SHMT1: variants seen among roughly 807,000 people sequenced by gnomAD.
The protein encoded by SHMT1 is serine hydroxymethyltransferase, cytosolic.
Under a neutral mutation model 49.0 loss-of-function variants are expected in SHMT1, and 45 were observed. That is an observed-to-expected ratio of 0.92 (90% CI 0.72 to 1.18). The LOEUF (loss-of-function observed/expected upper bound fraction) is 1.18, where lower values mean the gene tolerates loss of function less well. Ranked by LOEUF, SHMT1 falls within the 50% of genes most tolerant of loss-of-function variation. The pLI is 0.00. For synonymous variants in SHMT1, 232 were observed against 246.6 expected, an observed-to-expected ratio of 0.94 and a Z score of 0.55; for missense variants, 541 against 612.4, an observed-to-expected ratio of 0.88 and a Z score of 1.23.
At chr17:18,356,797 T>C (rs1414691393) in intron 1 of SHMT1, among the ~76,000 whole-genome samples, 1 of 152,018 alleles carries the variant, frequency 6.6e-6, no homozygotes, top group Admixed American at 6.6e-5. Flanking sequence ...ACTGCAGACG[T>C]CAGCTCATCT....
At position 18,340,075 on chromosome 17, in the gene SHMT1, C is replaced by T. The variant is rs1239954008; in HGVS notation, c.782G>A (p.Gly261Asp). 1 of 1,613,894 alleles carries T rather than the reference C, an allele frequency of 6.2e-7. No homozygotes were observed. Among genetic ancestry groups the T allele is most frequent in the African/African-American group, 1.3e-5 (1 of 74,934 alleles). Residue 261 changes from glycine to aspartate, a missense_variant, in exon 7 of 12, where the codon GGC becomes GAC. By Grantham distance (94) the Gly-to-Asp change is moderately conservative. Transcript: ENST00000316694. The surrounding 1 kb of genome is among the most constrained non-coding windows in gnomAD (Gnocchi z 4.5). Reference protein sequence around the residue: ...VTTTTHKTLRGCRAGMIFYRK... With the variant: ...VTTTTHKTLRDCRAGMIFYRK... ...GTAGAAGATCATGCCAGCTCGGCAG[C>T]CTCGCAGGGTCTTGTGAGTGGTGGT...
chr17:18,354,290 A>G (rs546320956), intron 2 of SHMT1, among the ~76,000 whole-genome samples: 2 of 152,296 alleles, frequency 1.3e-5, no homozygotes, highest in African/African-American at 4.8e-5. Context: ...ATGGTGGCAC[A>G]TGCCTGTAAT....
chr17:18,344,700 G>A (rs2151586301), intron 5 of SHMT1, among the ~76,000 whole-genome samples: 1 of 150,872 alleles, frequency 6.6e-6, no homozygotes, highest in East Asian at 2.0e-4. Context: ...ACTCCTAGAA[G>A]AATTCATAGG....
Position 18,348,159 on chromosome 17 carries a change from G to GTC in SHMT1, c.358+164_358+165dup, listed in dbSNP as rs1236858507. The stretch of plus-strand genomic sequence containing the variant: ...GGTCTTGAACTGCCGGCCTCAGGTG[G>GTC]TCTGCCTGCCTCCGCCTCCCAAAGT... On this transcript the variant is annotated intron_variant, in intron 4 of 11. Transcript: ENST00000316694. The GTC allele has an allele frequency of 4.5e-6, 3 of 661,488 alleles. No homozygotes were observed. In the East Asian group the frequency reaches 8.8e-5, roughly 19 times the overall value. 41.0% of individuals were successfully genotyped at this position (661,488 alleles called of 1,614,324 possible).
chr17:18,329,922 C>T (rs1254330765), intron 10 of SHMT1, among the ~76,000 whole-genome samples: 3 of 152,000 alleles, frequency 2.0e-5, no homozygotes, highest in African/African-American at 4.8e-5. Context: ...AGTGCAGTGG[C>T]GCAGTCTCGG....
At chr17:18,359,859 T>C (rs1986592711) in intron 1 of SHMT1, among the ~76,000 whole-genome samples, 1 of 151,588 alleles carries the variant, frequency 6.6e-6, no homozygotes, top group African/African-American at 2.4e-5. Context: ...GGCAGAAGAA[T>C]GGCTTGAACC....
In SHMT1 at chr17:18,355,748, A is replaced by AT. The variant is rs1207950054; in HGVS notation, c.96+137dup. The AT allele has an allele frequency of 1.2e-5, 8 of 689,488 alleles. No homozygotes were observed. The African/African-American group carries it at 1.3e-4, about 11-fold the overall frequency. 42.7% of individuals were successfully genotyped at this position (689,488 alleles called of 1,614,324 possible). ...ATTTACCCTCAAAGGATTTGTAGCC[A>AT]TTTTGTCTGCCACCACCTCTAAATC... On this transcript the variant is annotated intron_variant, in intron 2 of 11. Coordinates refer to ENST00000316694, the MANE Select transcript of SHMT1 (RefSeq NM_004169.5).
At chr17:18,334,071 T>G (rs1488267123) in intron 8 of SHMT1, among the ~76,000 whole-genome samples, 1 of 152,176 alleles carries the variant, frequency 6.6e-6, no homozygotes. Flanking sequence ...CCCAAGTAGC[T>G]GGGACTACAG....
At chr17:18,359,531 T>C (rs1004021730) in intron 1 of SHMT1, among the ~76,000 whole-genome samples, 1 of 151,636 alleles carries the variant, frequency 6.6e-6, no homozygotes, top group Admixed American at 6.6e-5. Context: ...AAAAAATTAA[T>C]TGGGTGTGGT....
chr17:18,354,891 AT>A (rs1986076068), intron 2 of SHMT1, among the ~76,000 whole-genome samples: 2 of 134,570 alleles, frequency 1.5e-5, no homozygotes, highest in South Asian at 2.6e-4. Flanking sequence ...AAAAAAAATA[AT>A]ACAAAAAATT....
chr17:18,337,887 A>T (rs1260353855), intron 7 of SHMT1, among the ~76,000 whole-genome samples: 2 of 152,146 alleles, frequency 1.3e-5, no homozygotes, highest in East Asian at 1.9e-4. Flanking sequence ...AATGTTGCCC[A>T]GGCTGGAGTG....
At chr17:18,352,147 C>CTTTTT (rs1306144197) in intron 3 of SHMT1, among the ~76,000 whole-genome samples, 1 of 76,578 alleles carries the variant, frequency 1.3e-5, no homozygotes, top group Middle Eastern at 5.7e-3. Flanking sequence ...ACTCAGTCCC[C>CTTTTT]TTCTTTTTTT....
rs757863440 is a variant in SHMT1, at chr17:18,347,422, T to G, written c.519+74A>C. 1.4e-5 allele frequency: 21 copies of G among 1,550,086 alleles called. No individual in the cohort carries two copies. In the South Asian group the frequency reaches 2.1e-4, roughly 16 times the overall value. On this transcript the variant is annotated intron_variant, in intron 5 of 11. Coordinates refer to ENST00000316694, the MANE Select transcript of SHMT1 (RefSeq NM_004169.5). The stretch of plus-strand genomic sequence containing the variant: ...TCCTGTAGTGACACATAAACCAAAC[T>G]TACCCCTGCAGGCACAGCCAAGCAT...
intron 3 of SHMT1, among the ~76,000 whole-genome samples, chr17:18,351,144 A>T (rs917679440): frequency 6.7e-6 from 1 of 150,170 alleles, no homozygotes; most frequent in East Asian, 2.0e-4. Flanking sequence ...TTTTATTTTT[A>T]TTTTTATTAT....
intron 2 of SHMT1, 85 bp downstream of exon 2, chr17:18,355,801 G>T: frequency 2.4e-6 from 2 of 843,354 alleles, no homozygotes; most frequent in South Asian, 1.4e-5. Flanking sequence ...TTTCAAGGCT[G>T]TCCCTAATTA....
intron 7 of SHMT1, among the ~76,000 whole-genome samples, chr17:18,337,050 T>TAATA (rs1471513884): frequency 6.6e-6 from 1 of 150,952 alleles, no homozygotes; most frequent in Non-Finnish European, 1.5e-5. Flanking sequence ...TAACCATCAA[T>TAATA]AATAGCTACT....
At chr17:18,333,502 G>T in intron 8 of SHMT1, 1 of 183,874 alleles carries the variant, frequency 5.4e-6, no homozygotes, top group Non-Finnish European at 1.1e-5. Flanking sequence ...TTTCACTCTT[G>T]TTGCCCAGGC....
chr17:18,328,676 A>C lies in SHMT1; in HGVS notation c.*74T>G. 1 of 1,502,206 alleles carries C rather than the reference A, an allele frequency of 6.7e-7. No homozygotes were observed. The highest frequency in any genetic ancestry group is 2.5e-5 in the East Asian group (1 of 40,722). The allele number at this position is 1,502,206 out of a possible 1,614,324, so 93.1% of individuals were successfully genotyped here. Reference sequence around the variant, plus strand: ...AGTTCCCCTTTGGAGCAGCTCATCCATCTCTCAGGTGGGGGTCCTCCGGCA... The same window carrying C: ...AGTTCCCCTTTGGAGCAGCTCATCCCTCTCTCAGGTGGGGGTCCTCCGGCA... On this transcript the variant is annotated 3_prime_UTR_variant, in exon 12 of 12. Coordinates refer to ENST00000316694, the MANE Select transcript of SHMT1 (RefSeq NM_004169.5).
chr17:18,353,261 C>T lies in SHMT1; in HGVS notation c.242+411G>A, dbSNP rs1258762201. Among the ~76,000 whole-genome samples, 5 of 152,312 alleles carry T rather than the reference C, an allele frequency of 3.3e-5. No individual in the cohort carries two copies. In the South Asian group the frequency reaches 6.2e-4, roughly 19 times the overall value. On this transcript the variant is annotated intron_variant, in intron 3 of 11. Coordinates refer to ENST00000316694, the MANE Select transcript of SHMT1 (RefSeq NM_004169.5). Reference sequence around the variant, plus strand: ...AAATCCAACATTTATAATGCAGAAACGGTTTTCAGTAATCCAGATTCAGCC... The same window carrying T: ...AAATCCAACATTTATAATGCAGAAATGGTTTTCAGTAATCCAGATTCAGCC...
Sources: allele counts gnomAD v4.1 joint callset (sites outside exome capture counted in the v4.1 genomes callset), GRCh38; gene constraint gnomAD v4.1.1; non-coding constraint Gnocchi (gnomAD v3.1); transcripts MANE v1.5; gene names NCBI Gene and HGNC (gene_info 2026-07-23, HGNC 2026-07-21).